The following SCN1A variants were observed in gnomAD, a reference collection of about 807,000 sequenced individuals.
SCN1A encodes sodium channel protein type 1 subunit alpha.
In SCN1A, 13 loss-of-function variants were observed where a neutral mutation model predicts 193.7. The observed-to-expected ratio is 0.07, with a 90% CI of 0.04 to 0.11. The LOEUF (loss-of-function observed/expected upper bound fraction) is 0.11, where lower values mean the gene tolerates loss of function less well. SCN1A is among the 10% of genes least tolerant of loss of function. The pLI, the probability that SCN1A is intolerant of heterozygous loss-of-function variation, is 1.00. For synonymous variants in SCN1A, 781 were observed against 843.6 expected (o/e 0.93, Z 1.29); for missense variants, 1,432 against 2,451.1 (o/e 0.58, Z 8.78).
At chr2:166,083,457 T>C (rs1449733857) in intron 2 of SCN1A, among the ~76,000 whole-genome samples, 1 of 151,930 alleles carries the variant, frequency 6.6e-6, no homozygotes, top group Admixed American at 6.6e-5. Flanking sequence ...AAGTAAAAAA[T>C]TCATTCAATC....
chr2:166,120,662 G>A (rs1219592708), intron 2 of SCN1A, among the ~76,000 whole-genome samples: 1 of 139,360 alleles, frequency 7.2e-6, no homozygotes, highest in Non-Finnish European at 1.5e-5. Flanking sequence ...ACGCCAGGCC[G>A]GAGTGCAGTG....
At chr2:166,104,813 A>G (rs185072281) in intron 2 of SCN1A, among the ~76,000 whole-genome samples, 162 of 152,346 alleles carry the variant, frequency 1.1e-3, no homozygotes, top group Non-Finnish European at 2.0e-3. Flanking sequence ...TTCTCAGCCA[A>G]CAGCCTTCAC....
chr2:166,120,237 T>A (rs1558888968), intron 2 of SCN1A, among the ~76,000 whole-genome samples: 1 of 151,534 alleles, frequency 6.6e-6, no homozygotes, highest in Non-Finnish European at 1.5e-5. Flanking sequence ...TTACTTTTAT[T>A]ATAAGAAAAA....
At chr2:166,071,242 G>C (rs1684388254) in intron 4 of SCN1A, among the ~76,000 whole-genome samples, 2 of 152,148 alleles carry the variant, frequency 1.3e-5, no homozygotes, top group South Asian at 4.1e-4. Context: ...AGTCCTTGTA[G>C]TTTGTTTAGT....
chr2:166,118,141 A>T, intron 2 of SCN1A, among the ~76,000 whole-genome samples: 1 of 151,248 alleles, frequency 6.6e-6, no homozygotes, highest in African/African-American at 2.4e-5. Flanking sequence ...GAATGAAAAA[A>T]AAAAGAGAGA....
chr2:166,053,189 G>A, intron 7 of SCN1A: 1 of 719,582 alleles, frequency 1.4e-6, no homozygotes, highest in Middle Eastern at 3.8e-4. Flanking sequence ...ACTTGCATGG[G>A]TCTTTTATAA....
At chr2:166,129,626 G>A (rs1375657675), upstream of SCN1A, among the ~76,000 whole-genome samples, 2 of 152,134 alleles carry the variant, frequency 1.3e-5, no homozygotes, top group African/African-American at 2.4e-5. Flanking sequence ...ACTGGTAAAC[G>A]ATTGCCAAGA....
intron 15 of SCN1A, among the ~76,000 whole-genome samples, 160 bp downstream of exon 15, chr2:166,042,132 C>A (rs1028371752): frequency 6.6e-6 from 1 of 152,158 alleles, no homozygotes; most frequent in Admixed American, 6.5e-5. Context: ...ATTGTTAAGG[C>A]TTCTAGAATA....
chr2:166,032,293 T>A (rs1695750196), intron 19 of SCN1A, among the ~76,000 whole-genome samples: 1 of 79,010 alleles, frequency 1.3e-5, no homozygotes, highest in Non-Finnish European at 2.6e-5. Flanking sequence ...TTATCTAGTC[T>A]CCCTGGCATA....
upstream of SCN1A, among the ~76,000 whole-genome samples, chr2:166,130,556 G>A (rs904130749): frequency 1.2e-4 from 18 of 152,108 alleles, no homozygotes; most frequent in African/African-American, 4.3e-4. Flanking sequence ...CTTCTCCAAC[G>A]TCTTTTCTAT....
At chr2:166,050,635 A>ATATATATATATATATATATG (rs1553548978) in intron 9 of SCN1A, among the ~76,000 whole-genome samples, 4 of 83,230 alleles carry the variant, frequency 4.8e-5, no homozygotes, top group Non-Finnish European at 9.1e-5. Context: ...ATATATATAT[A>ATATATATATATATATATATG]TATGTGTGTA....
intron 9 of SCN1A, among the ~76,000 whole-genome samples, chr2:166,049,857 C>T (rs972849726): frequency 2.0e-5 from 3 of 151,588 alleles, no homozygotes; most frequent in East Asian, 3.9e-4. Flanking sequence ...TGTTTGAGAC[C>T]GGGTAGCCTT....
chr2:166,014,876 G>T (rs1318551542), intron 20 of SCN1A, among the ~76,000 whole-genome samples: 1 of 151,740 alleles, frequency 6.6e-6, no homozygotes, highest in Non-Finnish European at 1.5e-5. Context: ...ACTTCTTACA[G>T]CCATTCAGAG....
intron 9 of SCN1A, among the ~76,000 whole-genome samples, chr2:166,049,733 G>A (rs1698317109): frequency 6.6e-6 from 1 of 151,872 alleles, no homozygotes; most frequent in Non-Finnish European, 1.5e-5. Flanking sequence ...TGTGCTACCA[G>A]TAACCTGTAT....
intron 23 of SCN1A, among the ~76,000 whole-genome samples, chr2:166,003,625 T>G (rs536619385): frequency 1.3e-5 from 2 of 151,624 alleles, no homozygotes; most frequent in East Asian, 3.9e-4. Flanking sequence ...TAGGGATGGC[T>G]TCCTTGCTTT....
chr2:165,994,135 A>G lies in SCN1A; in HGVS notation c.4852+11T>C, dbSNP rs746573662. 3 of 1,592,628 alleles carry G rather than the reference A, an allele frequency of 1.9e-6. No homozygotes were observed. The East Asian group carries it at 6.8e-5, about 36-fold the overall frequency. ...ATTTAACTGAATTTAAGAACTTTAA[A>G]TATTTCTTACCTACAATGGAGAGAA... is the stretch of plus-strand genomic sequence containing the variant. On this transcript the variant is annotated intron_variant, in intron 28 of 28. Coordinates refer to ENST00000674923, the MANE Select transcript of SCN1A (RefSeq NM_001165963.4).
intron 12 of SCN1A, among the ~76,000 whole-genome samples, chr2:166,046,417 C>T (rs1697828267): frequency 6.6e-6 from 1 of 152,084 alleles, no homozygotes; most frequent in African/African-American, 2.4e-5. Context: ...AGGAGCAACT[C>T]TTCATATGAT....
At chr2:166,092,971 C>T (rs1686977317) in intron 2 of SCN1A, among the ~76,000 whole-genome samples, 1 of 152,024 alleles carries the variant, frequency 6.6e-6, no homozygotes, top group African/African-American at 2.4e-5. Flanking sequence ...CTCTTTCACC[C>T]CTTTCCCATG....
chr2:166,051,972 C>T lies in SCN1A; in HGVS notation c.711G>A (p.Val237=), dbSNP rs767817258. 1.9e-6 allele frequency: 3 copies of T among 1,611,450 alleles called. No individual in the cohort carries two copies. Among genetic ancestry groups the T allele is most frequent in the Non-Finnish European group, 2.5e-6 (3 of 1,178,392 alleles). The change falls in exon 9 of 29, where the codon GTG becomes GTA. Residue 237 remains valine (V), a synonymous_variant. Coordinates refer to ENST00000674923, the MANE Select transcript of SCN1A (RefSeq NM_001165963.4). ...ISVIPGLKTI[V]GALIQSVKKL... ...TCTTCACAGACTGGATCAGGGCTCC[C>T]ACAATGGTTTTCAGGCCTGAAAGAA...
Sources: gnomAD v4.1 joint callset for allele counts (sites outside exome capture counted in the v4.1 genomes callset) on GRCh38, gnomAD v4.1.1 for gene constraint, MANE v1.5 for transcripts, NCBI Gene and HGNC (gene_info 2026-07-23, HGNC 2026-07-21) for gene names.